SLC36A1: variants seen among roughly 807,000 people sequenced by gnomAD.
SLC36A1 encodes the protein proton-coupled amino acid transporter 1.
SLC36A1 carries 30 observed loss-of-function variants against 47.5 expected under a neutral mutation model. That is an observed-to-expected ratio of 0.63 (90% CI 0.47 to 0.86). The LOEUF (loss-of-function observed/expected upper bound fraction) is 0.86. SLC36A1 is among the 40% of genes least tolerant of loss of function. The pLI, the probability that SLC36A1 is intolerant of heterozygous loss-of-function variation, is 0.00. For synonymous variants in SLC36A1, 255 were observed against 249.7 expected (o/e 1.02, Z -0.20); for missense variants, 517 against 606.0 (o/e 0.85, Z 1.54).
chr5:151,465,257 C>T lies in SLC36A1; in HGVS notation c.419+88C>T, dbSNP rs77561917. On this transcript the variant is annotated intron_variant, in intron 5 of 10. Transcript: ENST00000243389. ...GTGCAACGTGGGAGACAGTGTAAAGCGTGGAAAGAGTGCTGTTTGGGTCAG... is the reference window on the plus strand; with the variant it reads ...GTGCAACGTGGGAGACAGTGTAAAGTGTGGAAAGAGTGCTGTTTGGGTCAG... 12,030 of 1,066,966 alleles carry T rather than the reference C, an allele frequency of 0.011. 543 individuals are homozygous for T. The East Asian group carries it at 0.14, about 13-fold the overall frequency. The allele number at this position is 1,066,966 out of a possible 1,614,324, so 66.1% of individuals were successfully genotyped here.
At chr5:151,393,860 T>C in the SLC36A1 span, among the ~76,000 whole-genome samples, 10 of 152,202 alleles carry the variant, frequency 6.6e-5, no homozygotes, top group Non-Finnish European at 1.3e-4. Context: ...TCAACTTTGG[T>C]GAATCTGACA....
chr5:151,459,467 T>C (rs1178966188), intron 2 of SLC36A1, among the ~76,000 whole-genome samples: 1 of 152,234 alleles, frequency 6.6e-6, no homozygotes, highest in Admixed American at 6.5e-5. Flanking sequence ...CCCAGACTCA[T>C]TTGGGCTGAG....
At chr5:151,515,024 AT>A in the SLC36A1 span, among the ~76,000 whole-genome samples, 2 of 152,090 alleles carry the variant, frequency 1.3e-5, no homozygotes, top group African/African-American at 2.4e-5. Context: ...TTCCAGCCAG[AT>A]ATTTTCCTTC....
intron 10 of SLC36A1, among the ~76,000 whole-genome samples, chr5:151,483,526 T>TTTTGGGGGGGGGGGGGGGGGGG (rs1759124357): frequency 7.1e-6 from 1 of 140,756 alleles, no homozygotes; most frequent in African/African-American, 2.8e-5. Flanking sequence ...GTGGGGGGGG[T>TTTTGGGGGGGGGGGGGGGGGGG]GATTAGGGGA....
the SLC36A1 span, among the ~76,000 whole-genome samples, chr5:151,405,806 C>A: frequency 7.2e-5 from 11 of 152,152 alleles, no homozygotes; most frequent in African/African-American, 2.7e-4. Flanking sequence ...TGATTGGCTT[C>A]ATTTCTGGGT....
the SLC36A1 span, chr5:151,542,501 C>T: frequency 6.2e-7 from 1 of 1,614,160 alleles, no homozygotes; most frequent in Non-Finnish European, 8.5e-7. Context: ...TCATAGGCCA[C>T]CACATGAAAA....
chr5:151,427,755 G>A, the SLC36A1 span, among the ~76,000 whole-genome samples: 1 of 152,162 alleles, frequency 6.6e-6, no homozygotes, highest in Non-Finnish European at 1.5e-5. Context: ...CCTAATCACA[G>A]CACTCAGATC....
chr5:151,462,812 T>C (rs1755737249), intron 2 of SLC36A1, among the ~76,000 whole-genome samples: 1 of 152,060 alleles, frequency 6.6e-6, no homozygotes, highest in Admixed American at 6.6e-5. Context: ...ATTTCCTCTG[T>C]TCTCTTACCA....
chr5:151,411,466 C>T, the SLC36A1 span, among the ~76,000 whole-genome samples: 3 of 144,564 alleles, frequency 2.1e-5, no homozygotes, highest in Non-Finnish European at 4.6e-5. Context: ...AATTTTGAGA[C>T]CTGAGAGAAC....
intron 7 of SLC36A1, among the ~76,000 whole-genome samples, chr5:151,472,825 G>A (rs142352403): frequency 6.3e-4 from 96 of 152,184 alleles, no homozygotes; most frequent in Middle Eastern, 3.4e-3. Context: ...CTAATATTTC[G>A]TAAGTAGTTT....
At chr5:151,507,689 T>C in the SLC36A1 span, 2 of 1,315,584 alleles carry the variant, frequency 1.5e-6, no homozygotes, top group East Asian at 2.5e-5. Context: ...ATCTATGGGA[T>C]AGAGACTGCT....
At chr5:151,432,176 A>T (rs1458411824), upstream of SLC36A1, among the ~76,000 whole-genome samples, 5 of 152,156 alleles carry the variant, frequency 3.3e-5, no homozygotes, top group Non-Finnish European at 5.9e-5. Context: ...CAGTCCCTGG[A>T]GGCGATGAAC....
chr5:151,403,638 A>G, the SLC36A1 span, among the ~76,000 whole-genome samples: 3,549 of 152,230 alleles, frequency 0.023, 121 homozygotes, highest in East Asian at 0.14. Flanking sequence ...CCAGTCTTAG[A>G]TATTTCTTTA....
the SLC36A1 span, chr5:151,551,016 C>T: frequency 1.3e-6 from 1 of 776,586 alleles, no homozygotes; most frequent in South Asian, 1.9e-5. Flanking sequence ...GAATGAATGA[C>T]AGTATTTCAA....
chr5:151,496,203 G>A (rs1760334611), downstream of SLC36A1, among the ~76,000 whole-genome samples: 1 of 152,060 alleles, frequency 6.6e-6, no homozygotes, highest in African/African-American at 2.4e-5. Flanking sequence ...TTTAAAAAGG[G>A]GTGTCTCCCT....
the SLC36A1 span, chr5:151,517,552 A>C: frequency 6.3e-7 from 1 of 1,589,924 alleles, no homozygotes; most frequent in Non-Finnish European, 8.6e-7. Context: ...GACATTCCTC[A>C]TGCCTCACCC....
At chr5:151,398,007 A>C in the SLC36A1 span, among the ~76,000 whole-genome samples, 1 of 151,908 alleles carries the variant, frequency 6.6e-6, no homozygotes, top group Non-Finnish European at 1.5e-5. Context: ...AGTCCCAGCT[A>C]CTCAGGAGGC....
chr5:151,369,507 A>G, the SLC36A1 span, among the ~76,000 whole-genome samples: 1 of 152,226 alleles, frequency 6.6e-6, no homozygotes, highest in East Asian at 1.9e-4. Context: ...CCCACCCCAG[A>G]CTGAACTCCC....
the SLC36A1 span, among the ~76,000 whole-genome samples, chr5:151,372,550 C>T: frequency 5.9e-5 from 9 of 152,084 alleles, no homozygotes; most frequent in African/African-American, 1.9e-4. Flanking sequence ...CTCAACTGAT[C>T]CTCCCGCCTT....
Sources: allele counts gnomAD v4.1 joint callset (sites outside exome capture counted in the v4.1 genomes callset), GRCh38; gene constraint gnomAD v4.1.1; transcripts MANE v1.5; gene names NCBI Gene and HGNC (gene_info 2026-07-23, HGNC 2026-07-21).